Variants in EFCAB6 observed in about 807,000 individuals in gnomAD.
EFCAB6 encodes the protein EF-hand calcium binding domain 6, also known as EF-hand calcium-binding domain-containing protein 6.
Under a neutral mutation model 169.8 loss-of-function variants are expected in EFCAB6, and 156 were observed. The observed-to-expected ratio is 0.92, with a 90% CI of 0.81 to 1.05. The LOEUF (loss-of-function observed/expected upper bound fraction) is 1.05. Among genes scored for constraint, EFCAB6 ranks in the 50% least tolerant of loss-of-function variants. The pLI, the probability that EFCAB6 is intolerant of heterozygous loss-of-function variation, is 0.00. For synonymous variants in EFCAB6, 698 were observed against 676.4 expected, an observed-to-expected ratio of 1.03 and a Z score of -0.50; for missense variants, 1,800 against 1,829.1, an observed-to-expected ratio of 0.98 and a Z score of 0.29.
In EFCAB6 at chr22:43,749,697, A is replaced by T. The variant is rs574789282; in HGVS notation, c.507+6069T>A. Among the ~76,000 whole-genome samples the T allele has an allele frequency of 3.3e-5, 5 of 152,292 alleles. No homozygotes were observed. The South Asian group carries it at 1.0e-3, about 32-fold the overall frequency. Reference sequence around the variant, plus strand: ...CATTCTGGTTCCCGACAGGCCACCAACCAGTACAGGTCTGCAGCCTGGGGG... The same window carrying T: ...CATTCTGGTTCCCGACAGGCCACCATCCAGTACAGGTCTGCAGCCTGGGGG... On this transcript the variant is annotated intron_variant, in intron 6 of 31. Transcript: ENST00000262726.
chr22:43,607,591 T>C (rs1433808630), intron 22 of EFCAB6, among the ~76,000 whole-genome samples: 1 of 152,218 alleles, frequency 6.6e-6, no homozygotes, highest in Non-Finnish European at 1.5e-5. Context: ...AAAGTAAGCA[T>C]TTTGTAAGAA....
At chr22:43,559,405 CT>C (rs996624864) in intron 26 of EFCAB6, among the ~76,000 whole-genome samples, 11 of 146,168 alleles carry the variant, frequency 7.5e-5, no homozygotes, top group East Asian at 3.9e-4. Context: ...TGCTTTTACA[CT>C]GATGGTGGGA....
chr22:43,649,813 G>A (rs2056374550), intron 17 of EFCAB6, among the ~76,000 whole-genome samples: 1 of 152,204 alleles, frequency 6.6e-6, no homozygotes, highest in Non-Finnish European at 1.5e-5. Flanking sequence ...GGGTGAAGCT[G>A]GAAGAGAATG....
At chr22:43,648,564 G>A (rs2056303042) in intron 17 of EFCAB6, among the ~76,000 whole-genome samples, 1 of 152,168 alleles carries the variant, frequency 6.6e-6, no homozygotes, top group African/African-American at 2.4e-5. Context: ...AGAGTGGGGA[G>A]GGAGAAAGTG....
At chr22:43,723,870 G>C (rs532711221) in intron 8 of EFCAB6, among the ~76,000 whole-genome samples, 1 of 152,348 alleles carries the variant, frequency 6.6e-6, no homozygotes, top group Admixed American at 6.5e-5. Flanking sequence ...ATGGCCCTGG[G>C]CAGCAAGCCC....
intron 5 of EFCAB6, chr22:43,759,797 G>A (rs749616948): frequency 6.6e-6 from 1 of 152,178 alleles, no homozygotes; most frequent in Non-Finnish European, 1.5e-5. Flanking sequence ...CCTCAATATG[G>A]TGATTTTGAT....
chr22:43,688,805 T>C (rs2058296251), intron 10 of EFCAB6, among the ~76,000 whole-genome samples: 1 of 152,222 alleles, frequency 6.6e-6, no homozygotes, highest in Non-Finnish European at 1.5e-5. Context: ...CCTAACAGGA[T>C]GGCAAAAAGT....
chr22:43,720,807 A>C (rs554659561), intron 8 of EFCAB6, among the ~76,000 whole-genome samples: 69 of 152,124 alleles, frequency 4.5e-4, no homozygotes, highest in Non-Finnish European at 9.1e-4. Context: ...TGAGAAGAAA[A>C]CCAAACAATG....
chr22:43,583,806 T>C (rs1422201503), intron 24 of EFCAB6, among the ~76,000 whole-genome samples: 2 of 152,186 alleles, frequency 1.3e-5, no homozygotes, highest in African/African-American at 4.8e-5. Flanking sequence ...CTGAACTTCC[T>C]AGCCTCCAGA....
intron 24 of EFCAB6, among the ~76,000 whole-genome samples, chr22:43,587,538 T>C (rs1297739118): frequency 6.6e-6 from 1 of 152,198 alleles, no homozygotes; most frequent in East Asian, 1.9e-4. Context: ...CCCTGGCTTG[T>C]GGCCACATCA....
In EFCAB6 at chr22:43,600,151, T is replaced by A. The variant is rs2052385074; in HGVS notation, c.2794A>T (p.Met932Leu). ...TGCTGTGGCTTTGTAAAATGACCCA[T>A]GAAGTTGAAATAATCCTCTGCACAG... ...RPCAEDYFNF[M>L]GHFTKPQQLQ... The change falls in exon 23 of 32, where the codon ATG (methionine) becomes TTG (leucine). Residue 932 changes from methionine (M) to leucine (L), a missense_variant. By Grantham distance (15) the Met-to-Leu change is conservative. Coordinates refer to ENST00000262726, the MANE Select transcript of EFCAB6 (RefSeq NM_022785.4). 1 of 1,613,980 alleles carries A rather than the reference T, an allele frequency of 6.2e-7. No homozygotes were observed. The highest frequency in any genetic ancestry group is 1.3e-5 in the African/African-American group (1 of 74,904).
intron 27 of EFCAB6, 115 bp from the exon 28 acceptor site, chr22:43,540,472 A>C (rs770689802): frequency 1.9e-6 from 3 of 1,565,004 alleles, no homozygotes; most frequent in Non-Finnish European, 1.7e-6. Context: ...CACTCACGTG[A>C]CTGGTGAAGA....
intron 6 of EFCAB6, among the ~76,000 whole-genome samples, chr22:43,748,440 C>A (rs951859233): frequency 6.6e-6 from 1 of 152,138 alleles, no homozygotes. Flanking sequence ...TTTTCTTAGG[C>A]CAGGTTGCAA....
At chr22:43,699,981 ATTCAT>A (rs1342774913) in intron 10 of EFCAB6, among the ~76,000 whole-genome samples, 1 of 152,226 alleles carries the variant, frequency 6.6e-6, no homozygotes, top group Non-Finnish European at 1.5e-5. Flanking sequence ...AAGTTATAGC[ATTCAT>A]TTATTTCATC....
intron 8 of EFCAB6, among the ~76,000 whole-genome samples, chr22:43,718,754 C>T (rs916478296): frequency 2.0e-5 from 3 of 152,188 alleles, no homozygotes; most frequent in Non-Finnish European, 1.5e-5. Flanking sequence ...GCACTCTAGC[C>T]TGGTGACAGA....
chr22:43,731,820 CA>C lies in EFCAB6; in HGVS notation c.645-10del. 6.6e-7 allele frequency: 1 copy of C among 1,524,544 alleles called. No individual in the cohort carries two copies. The highest frequency in any genetic ancestry group is 1.3e-5 in the South Asian group (1 of 77,832). 94.4% of individuals were successfully genotyped at this position (1,524,544 alleles called of 1,614,324 possible). ...TGTAGTGTTTCGAAAACCTAAAATA[CA>C]AATGTTCTTTAGTAATGAGAAATTA... is the stretch of plus-strand genomic sequence containing the variant. On this transcript the variant is annotated splice_polypyrimidine_tract_variant and intron_variant, in intron 7 of 31. Coordinates refer to ENST00000262726, the MANE Select transcript of EFCAB6 (RefSeq NM_022785.4).
At chr22:43,776,006 T>C (rs941729312) in intron 3 of EFCAB6, among the ~76,000 whole-genome samples, 1 of 152,192 alleles carries the variant, frequency 6.6e-6, no homozygotes, top group African/African-American at 2.4e-5. Flanking sequence ...GCAAAATAAA[T>C]GACTGTTGCT....
chr22:43,537,682 A>G lies in EFCAB6; in HGVS notation c.3880-137T>C, dbSNP rs2147041054. On this transcript the variant is annotated intron_variant, in intron 28 of 31. Coordinates refer to ENST00000262726, the MANE Select transcript of EFCAB6 (RefSeq NM_022785.4). This position sits in a 1 kb window ranked among gnomAD's most constrained non-coding sequence, Gnocchi z 4.3. Reference sequence around the variant, plus strand: ...GCCCAGAAATAAAATGAAGAATAAAACATAGATGGTGATTTTACAATGTAG... The same window carrying G: ...GCCCAGAAATAAAATGAAGAATAAAGCATAGATGGTGATTTTACAATGTAG... 9.4e-7 allele frequency: 1 copy of G among 1,058,996 alleles called. No homozygotes were observed. Among genetic ancestry groups the G allele is most frequent in the East Asian group, 2.7e-5 (1 of 37,632 alleles). 65.6% of individuals were successfully genotyped at this position (1,058,996 alleles called of 1,614,324 possible).
intron 19 of EFCAB6, among the ~76,000 whole-genome samples, chr22:43,627,641 A>C (rs1357035273): frequency 1.3e-5 from 2 of 152,162 alleles, no homozygotes; most frequent in African/African-American, 4.8e-5. Context: ...CCCGGGTCTC[A>C]GGCCTGAAAA....
Sources: gnomAD v4.1 joint callset for allele counts (sites outside exome capture counted in the v4.1 genomes callset) on GRCh38, gnomAD v4.1.1 for gene constraint, Gnocchi (gnomAD v3.1) non-coding constraint, MANE v1.5 for transcripts, NCBI Gene and HGNC (gene_info 2026-07-23, HGNC 2026-07-21) for gene names.